Variants in RBFOX1 observed in about 807,000 individuals in gnomAD.
The protein encoded by RBFOX1 is RNA binding fox-1 homolog 1.
Under a neutral mutation model 57.7 loss-of-function variants are expected in RBFOX1, and 8 were observed. The ratio of observed to expected loss-of-function variants is 0.14; its 90% CI spans 0.08 to 0.25. The LOEUF is 0.25. Ranked by LOEUF, RBFOX1 falls within the 10% of genes least tolerant of loss-of-function variation. The pLI, the probability that RBFOX1 is intolerant of heterozygous loss-of-function variation, is 1.00. For synonymous variants in RBFOX1, 326 were observed against 222.4 expected (o/e 1.47, Z -4.15); for missense variants, 611 against 548.5 (o/e 1.11, Z -1.14).
At chr16:7,111,558 T>G (rs7201682) in intron 4 of RBFOX1, among the ~76,000 whole-genome samples, 50,486 of 151,984 alleles carry the variant, frequency 0.33, 8,802 homozygotes, top group East Asian at 0.47. Context: ...TATATCAGTT[T>G]TATCAGCTTA....
At chr16:6,941,456 C>T (rs1314158337) in intron 3 of RBFOX1, among the ~76,000 whole-genome samples, 1 of 151,856 alleles carries the variant, frequency 6.6e-6, no homozygotes, top group Non-Finnish European at 1.5e-5. Context: ...CCAAAGTCCT[C>T]TAACATACTG....
chr16:5,317,569 G>A (rs1463855731), intron 1 of RBFOX1, among the ~76,000 whole-genome samples: 2 of 152,074 alleles, frequency 1.3e-5, no homozygotes, highest in Non-Finnish European at 2.9e-5. Flanking sequence ...AGATCACGCC[G>A]TTGCACTCCA....
At chr16:7,286,085 T>C (rs893154358) in intron 4 of RBFOX1, among the ~76,000 whole-genome samples, 1 of 152,234 alleles carries the variant, frequency 6.6e-6, no homozygotes, top group East Asian at 1.9e-4. Flanking sequence ...TTTACCACTC[T>C]ATAAATATTT....
chr16:5,605,621 G>A (rs2047544890), intron 3 of RBFOX1, among the ~76,000 whole-genome samples: 1 of 151,994 alleles, frequency 6.6e-6, no homozygotes. Context: ...CTTGGGTCTA[G>A]GAGGGGAGAG....
chr16:5,303,054 T>C (rs1448274501), intron 1 of RBFOX1, among the ~76,000 whole-genome samples: 2 of 152,240 alleles, frequency 1.3e-5, no homozygotes, highest in African/African-American at 4.8e-5. Context: ...TTTTTCCTAG[T>C]ATTTTGTGTG....
intron 3 of RBFOX1, among the ~76,000 whole-genome samples, chr16:7,029,193 C>CAT (rs1232534427): frequency 9.2e-5 from 4 of 43,496 alleles, no homozygotes; most frequent in Non-Finnish European, 2.6e-4. Context: ...TATATATACA[C>CAT]ATATGTATAC....
intron 5 of RBFOX1, among the ~76,000 whole-genome samples, chr16:7,551,098 AAAAAAAAG>A (rs2086304477): frequency 6.6e-6 from 1 of 151,386 alleles, no homozygotes; most frequent in Non-Finnish European, 1.5e-5. Context: ...CAAAAAAAAA[AAAAAAAAG>A]AAAAAAAAAG....
At chr16:6,121,728 C>G (rs2096551250) in intron 1 of RBFOX1, among the ~76,000 whole-genome samples, 1 of 152,096 alleles carries the variant, frequency 6.6e-6, no homozygotes, top group Non-Finnish European at 1.5e-5. Flanking sequence ...CTGCTTTCTA[C>G]ATTTACCAGC....
chr16:6,205,073 A>G (rs933166827), intron 1 of RBFOX1, among the ~76,000 whole-genome samples: 20 of 152,302 alleles, frequency 1.3e-4, no homozygotes, highest in African/African-American at 4.6e-4. Flanking sequence ...ACTAGATTCT[A>G]TTATCTCAGA....
chr16:5,877,995 C>T (rs1463973167), intron 4 of RBFOX1, among the ~76,000 whole-genome samples: 1 of 152,224 alleles, frequency 6.6e-6, no homozygotes, highest in East Asian at 1.9e-4. Context: ...CCACCTCCTA[C>T]CTCACACTTG....
At chr16:7,519,838 C>G in intron 5 of RBFOX1, 1 of 567,944 alleles carries the variant, frequency 1.8e-6, no homozygotes, top group Non-Finnish European at 2.2e-6. Context: ...AACTTTGCTA[C>G]TTGCCACCTC....
chr16:7,563,564 T>C (rs1387029889), intron 5 of RBFOX1, among the ~76,000 whole-genome samples: 1 of 152,098 alleles, frequency 6.6e-6, no homozygotes, highest in African/African-American at 2.4e-5. Context: ...GCCTCCCGGG[T>C]TCAGGCAATT....
At chr16:6,654,732 C>G (rs72762974) in intron 3 of RBFOX1, 82 bp downstream of exon 3, 2 of 1,044,082 alleles carry the variant, frequency 1.9e-6, no homozygotes, top group Admixed American at 3.1e-5. Flanking sequence ...AGGCATGCCC[C>G]TCTCGATGAT....
intron 4 of RBFOX1, among the ~76,000 whole-genome samples, chr16:7,132,433 GACACACACACACACAC>G (rs36226659): frequency 0.019 from 2,728 of 144,900 alleles, 37 homozygotes; most frequent in African/African-American, 0.048. Context: ...GTGATACACA[GACACACACACACACAC>G]ACACACACAC....
chr16:6,975,332 A>C (rs13334100), intron 3 of RBFOX1, among the ~76,000 whole-genome samples: 6,052 of 151,944 alleles, frequency 0.04, 403 homozygotes, highest in African/African-American at 0.14. Context: ...GTGGCACAAT[A>C]TCAGCTCACT....
chr16:7,691,627 C>T (rs767245984), intron 14 of RBFOX1, among the ~76,000 whole-genome samples: 1 of 152,082 alleles, frequency 6.6e-6, no homozygotes, highest in Non-Finnish European at 1.5e-5. Flanking sequence ...TCTATTCATA[C>T]TTGTAGGTTG....
chr16:7,007,217 T>C (rs554514678), intron 3 of RBFOX1, among the ~76,000 whole-genome samples: 13 of 152,332 alleles, frequency 8.5e-5, no homozygotes, highest in African/African-American at 2.4e-4. Context: ...TACTGGCTGG[T>C]AGCAGAAGGG....
intron 4 of RBFOX1, among the ~76,000 whole-genome samples, chr16:7,163,924 T>C (rs2152405769): frequency 6.6e-6 from 1 of 152,264 alleles, no homozygotes; most frequent in South Asian, 2.1e-4. Context: ...CCTCCCAAAG[T>C]ACTGGGATTA....
intron 4 of RBFOX1, among the ~76,000 whole-genome samples, chr16:7,112,164 T>C (rs1176271868): frequency 6.6e-6 from 1 of 152,174 alleles, no homozygotes; most frequent in East Asian, 1.9e-4. Context: ...TTCAGAATCA[T>C]ACAAACTTTG....
Sources: gnomAD v4.1 joint callset for allele counts (sites outside exome capture counted in the v4.1 genomes callset) on GRCh38, gnomAD v4.1.1 for gene constraint, MANE v1.5 for transcripts, NCBI Gene and HGNC (gene_info 2026-07-23, HGNC 2026-07-21) for gene names.